CARS2: variants seen among roughly 807,000 people sequenced by gnomAD.
CARS2 encodes the protein probable cysteine--tRNA ligase, mitochondrial.
A neutral mutation model predicts 68.8 loss-of-function variants in CARS2; 52 were observed. The ratio of observed to expected loss-of-function variants is 0.76; its 90% CI spans 0.61 to 0.95. CARS2 has a LOEUF of 0.95. Ranked by LOEUF, CARS2 falls within the 40% of genes least tolerant of loss-of-function variation. The pLI is 0.00. For synonymous variants in CARS2, 314 were observed against 303.6 expected (o/e 1.03, Z -0.36); for missense variants, 780 against 754.2 (o/e 1.03, Z -0.40).
chr13:110,646,817 CT>C, intron 11 of CARS2: 1 of 368,118 alleles, frequency 2.7e-6, no homozygotes, highest in Non-Finnish European at 4.9e-6. Flanking sequence ...GACCCCACAC[CT>C]CCTGTCCAGC....
At chr13:110,712,696 T>A (rs1322483541) in intron 1 of CARS2, 6 of 682,358 alleles carry the variant, frequency 8.8e-6, no homozygotes, top group African/African-American at 5.3e-5. Flanking sequence ...CGACCGGGTG[T>A]CTGCATACTG....
intron 5 of CARS2, 122 bp downstream of exon 5, chr13:110,687,599 A>C (rs1181961069): frequency 3.2e-6 from 2 of 633,014 alleles, no homozygotes; most frequent in African/African-American, 3.7e-5. Flanking sequence ...GAATCGCTTG[A>C]ACCAGGGAGG....
intron 9 of CARS2, among the ~76,000 whole-genome samples, chr13:110,652,352 C>G (rs2062239684): frequency 6.6e-6 from 1 of 152,266 alleles, no homozygotes. Flanking sequence ...GCTCAAAATA[C>G]TGCATCACAA....
At chr13:110,693,248 G>T (rs996972236) in intron 3 of CARS2, among the ~76,000 whole-genome samples, 2 of 152,094 alleles carry the variant, frequency 1.3e-5, no homozygotes, top group African/African-American at 4.8e-5. Flanking sequence ...CTCTGCACGT[G>T]GCTGCACCAG....
At chr13:110,703,010 C>T (rs962990953) in intron 2 of CARS2, among the ~76,000 whole-genome samples, 4 of 152,136 alleles carry the variant, frequency 2.6e-5, no homozygotes, top group African/African-American at 9.7e-5. Flanking sequence ...GAAATCCAAA[C>T]TCTCTGGGCC....
intron 3 of CARS2, among the ~76,000 whole-genome samples, chr13:110,696,979 C>A (rs1461851313): frequency 1.3e-5 from 2 of 152,178 alleles, no homozygotes; most frequent in Admixed American, 6.5e-5. Flanking sequence ...CCATCCCCTG[C>A]GGGGCCCTTT....
chr13:110,665,620 A>G lies in CARS2; in HGVS notation c.919+1720T>C. The stretch of plus-strand genomic sequence containing the variant: ...GGGCTCACAGCAGGTCATGGTTGTC[A>G]GTAACAAACCCTGACCTACTGAACA... On this transcript the variant is annotated intron_variant, in intron 8 of 14. Coordinates refer to ENST00000257347, the MANE Select transcript of CARS2 (RefSeq NM_024537.4). This position sits in a 1 kb window ranked among gnomAD's most constrained non-coding sequence, Gnocchi z 4.3. 4.1e-6 allele frequency: 4 copies of G among 985,400 alleles called. No individual in the cohort carries two copies. Among genetic ancestry groups the G allele is most frequent in the Non-Finnish European group, 4.8e-6 (4 of 829,934 alleles). The allele number at this position is 985,400 out of a possible 1,614,324, so 61.0% of individuals were successfully genotyped here. A position where few individuals can be genotyped will look rare whatever the true frequency, so the allele number is the denominator to read the frequency against.
chr13:110,662,868 CAATTA>C (rs2062546733), intron 9 of CARS2: 1 of 372,570 alleles, frequency 2.7e-6, no homozygotes, highest in Admixed American at 3.3e-5. Context: ...ATTTATTTTG[CAATTA>C]AATTAAATCT....
At chr13:110,711,682 G>C (rs1253736309) in intron 1 of CARS2, among the ~76,000 whole-genome samples, 1 of 152,244 alleles carries the variant, frequency 6.6e-6, no homozygotes, top group South Asian at 2.1e-4. Flanking sequence ...GTGTAGGTGA[G>C]ATGAAGGGGC....
At chr13:110,649,293 A>C (rs2062136231) in intron 10 of CARS2, 1 of 152,288 alleles carries the variant, frequency 6.6e-6, no homozygotes. Flanking sequence ...CACGTCTCAG[A>C]AAACCTGAGT....
intron 9 of CARS2, among the ~76,000 whole-genome samples, chr13:110,662,232 C>A (rs9588232): frequency 1.0e-5 from 1 of 96,794 alleles, no homozygotes; most frequent in Admixed American, 1.3e-4. Flanking sequence ...TGCAACCCCA[C>A]GGCCGGGTTC....
At position 110,644,192 on chromosome 13, in the gene CARS2, T is replaced by TAG. The variant is rs1209993455; in HGVS notation, c.1416+191_1416+192dup. 9 of 1,470,288 alleles carry TAG rather than the reference T, an allele frequency of 6.1e-6. No homozygotes were observed. In the South Asian group the frequency reaches 9.7e-5, roughly 16 times the overall value. The allele number at this position is 1,470,288 out of a possible 1,614,324, so 91.1% of individuals were successfully genotyped here. On this transcript the variant is annotated intron_variant, in intron 13 of 14. Coordinates refer to ENST00000257347, the MANE Select transcript of CARS2 (RefSeq NM_024537.4). ...CACGAGAGTTTGCCAACTGCAGAAG[T>TAG]AGAATTGTGCAATTCCAATTAATAA...
chr13:110,663,422 T>C, intron 9 of CARS2, 29 bp downstream of exon 9: 1 of 1,603,782 alleles, frequency 6.2e-7, no homozygotes, highest in Non-Finnish European at 8.5e-7. Flanking sequence ...TATCGGCACC[T>C]CAGAGATACA....
Position 110,705,841 on chromosome 13 carries a change from C to T in CARS2, c.224+29G>A. Reference sequence around the variant, plus strand: ...GGAAGTCTCCGCCACGATCGGCCCCCGCCCGTGCCCCAGTCCCGCGCGGCC... The same window carrying T: ...GGAAGTCTCCGCCACGATCGGCCCCTGCCCGTGCCCCAGTCCCGCGCGGCC... On this transcript the variant is annotated intron_variant, in intron 1 of 14. Transcript: ENST00000257347. The surrounding 1 kb of genome is among the most constrained non-coding windows in gnomAD (Gnocchi z 4.0). 6.5e-7 allele frequency: 1 copy of T among 1,537,562 alleles called. No individual in the cohort carries two copies. The highest frequency in any genetic ancestry group is 8.7e-7 in the Non-Finnish European group (1 of 1,143,836).
chr13:110,648,701 T>C (rs409707), intron 10 of CARS2: 41,749 of 152,076 alleles, frequency 0.27, 6,858 homozygotes, highest in African/African-American at 0.46. Flanking sequence ...AATCCCTCAC[T>C]GGCAGATCGG....
At chr13:110,677,160 G>A (rs1457333754) in intron 6 of CARS2, 57 bp from the exon 7 acceptor site, 21 of 1,517,562 alleles carry the variant, frequency 1.4e-5, no homozygotes, top group Non-Finnish European at 1.9e-5. Flanking sequence ...CACCACGGAT[G>A]CTCAGACATT....
chr13:110,667,602 G>C, intron 7 of CARS2, 129 bp from the exon 8 acceptor site: 1 of 749,402 alleles, frequency 1.3e-6, no homozygotes, highest in South Asian at 2.6e-5. Context: ...GCATCAATTT[G>C]CATGATAATT....
intron 8 of CARS2, chr13:110,664,374 T>C (rs1413996444): frequency 7.6e-6 from 2 of 264,776 alleles, no homozygotes; most frequent in Non-Finnish European, 5.8e-6. Flanking sequence ...CTGGGCGTGG[T>C]GGGGCACACC....
chr13:110,706,703 G>A (rs1337274894), upstream of CARS2, among the ~76,000 whole-genome samples: 1 of 149,858 alleles, frequency 6.7e-6, no homozygotes, highest in Non-Finnish European at 1.5e-5. Context: ...GATACACAAT[G>A]TGCAACCCAA....
Sources: allele counts gnomAD v4.1 joint callset (sites outside exome capture counted in the v4.1 genomes callset), GRCh38; gene constraint gnomAD v4.1.1; non-coding constraint Gnocchi (gnomAD v3.1); transcripts MANE v1.5; gene names NCBI Gene and HGNC (gene_info 2026-07-23, HGNC 2026-07-21).